Variants in PLCG2 observed in about 807,000 individuals in gnomAD.
The protein encoded by PLCG2 is phospholipase C gamma 2, also known as 1-phosphatidylinositol 4,5-bisphosphate phosphodiesterase gamma-2.
A neutral mutation model predicts 175.6 loss-of-function variants in PLCG2; 69 were observed. That is an observed-to-expected ratio of 0.39 (90% CI 0.32 to 0.48). PLCG2 has a LOEUF of 0.48. PLCG2 is among the 20% of genes least tolerant of loss of function. PLCG2 has a pLI of 0.91. For synonymous variants in PLCG2, 827 were observed against 624.0 expected (o/e 1.33, Z -4.85); for missense variants, 1,798 against 1,650.9 (o/e 1.09, Z -1.54).
chr16:81,842,118 C>G (rs575559338), intron 2 of PLCG2, among the ~76,000 whole-genome samples: 14 of 152,234 alleles, frequency 9.2e-5, no homozygotes, highest in Non-Finnish European at 1.6e-4. Flanking sequence ...TGCAACGTGC[C>G]TGGTTCCTGT....
chr16:81,946,995 C>T (rs1262919291), intron 31 of PLCG2, among the ~76,000 whole-genome samples: 2 of 152,168 alleles, frequency 1.3e-5, no homozygotes, highest in Non-Finnish European at 2.9e-5. Context: ...GGAACCAGTG[C>T]TGCTTCTCTC....
intron 2 of PLCG2, among the ~76,000 whole-genome samples, chr16:81,793,613 G>A (rs532304578): frequency 6.6e-6 from 1 of 152,308 alleles, no homozygotes; most frequent in South Asian, 2.1e-4. Context: ...ATGAGTGACG[G>A]ATTCTCAAAC....
At chr16:81,764,984 G>A (rs1437861890) in intron 2 of PLCG2, among the ~76,000 whole-genome samples, 1 of 116,660 alleles carries the variant, frequency 8.6e-6, no homozygotes, top group Non-Finnish European at 1.8e-5. Context: ...AGCTACTCGG[G>A]AGGCTGAGGT....
intron 2 of PLCG2, among the ~76,000 whole-genome samples, chr16:81,805,767 G>GTTTTTTTGT (rs1911983342): frequency 5.1e-5 from 2 of 39,518 alleles, no homozygotes; most frequent in African/African-American, 2.5e-4. Flanking sequence ...GTTTTGTTTT[G>GTTTTTTTGT]TTTTTTTTTT....
chr16:81,924,394 T>C (rs185950474), intron 22 of PLCG2, among the ~76,000 whole-genome samples: 1 of 152,270 alleles, frequency 6.6e-6, no homozygotes, highest in African/African-American at 2.4e-5. Flanking sequence ...AAGCACTGTT[T>C]TAAGCACGTT....
chr16:81,815,719 G>C (rs572654121), intron 2 of PLCG2, among the ~76,000 whole-genome samples: 93 of 152,170 alleles, frequency 6.1e-4, no homozygotes, highest in African/African-American at 2.1e-3. Context: ...CGATTCTCGC[G>C]GTCTTCTTGG....
chr16:81,910,876 A>C (rs1909593287), intron 18 of PLCG2, among the ~76,000 whole-genome samples, 156 bp downstream of exon 18: 1 of 152,154 alleles, frequency 6.6e-6, no homozygotes, highest in Non-Finnish European at 1.5e-5. Context: ...CAGTTTCCAA[A>C]TTCCTGGCAC....
At chr16:81,888,572 T>C (rs181500486) in intron 9 of PLCG2, among the ~76,000 whole-genome samples, 2 of 152,334 alleles carry the variant, frequency 1.3e-5, no homozygotes, top group African/African-American at 4.8e-5. Context: ...TCATACAGTG[T>C]ACATTTCATA....
intron 2 of PLCG2, among the ~76,000 whole-genome samples, chr16:81,845,219 G>T (rs1457692908): frequency 6.6e-6 from 1 of 152,116 alleles, no homozygotes; most frequent in Non-Finnish European, 1.5e-5. Context: ...GGAATTATAG[G>T]CATGAGCCAT....
At chr16:81,938,696 G>T in intron 28 of PLCG2, 105 bp from the exon 29 acceptor site, 1 of 648,198 alleles carries the variant, frequency 1.5e-6, no homozygotes. Flanking sequence ...AATTAGGGCT[G>T]GCATTGAACT....
At chr16:81,942,931 T>TTA (rs1555523195) in intron 30 of PLCG2, among the ~76,000 whole-genome samples, 10 of 151,988 alleles carry the variant, frequency 6.6e-5, no homozygotes, top group African/African-American at 2.4e-4. Flanking sequence ...TTTTTTTTTT[T>TTA]TATACAAGGA....
intron 24 of PLCG2, among the ~76,000 whole-genome samples, chr16:81,930,309 A>C (rs1401157015): frequency 6.6e-6 from 1 of 152,168 alleles, no homozygotes; most frequent in East Asian, 1.9e-4. Flanking sequence ...CTTCTCTGTA[A>C]GATCCTTTCT....
At chr16:81,824,610 G>A (rs766803104) in intron 2 of PLCG2, among the ~76,000 whole-genome samples, 6 of 152,176 alleles carry the variant, frequency 3.9e-5, no homozygotes, top group Admixed American at 2.6e-4. Context: ...GTGAGATAAC[G>A]GGGTGTGGGA....
At position 81,893,735 on chromosome 16, in the gene PLCG2, G is replaced by C; in HGVS notation, c.1013G>C (p.Ser338Thr). The C allele has an allele frequency of 6.2e-7, 1 of 1,612,452 alleles. No homozygotes were observed. The highest frequency in any genetic ancestry group is 8.5e-7 in the Non-Finnish European group (1 of 1,179,384). Residue 338 changes from serine to threonine, a missense_variant, in exon 12 of 33, where the codon AGC (serine) becomes ACC (threonine). Physicochemically the swap from Ser to Thr is moderately conservative, Grantham distance 58. Coordinates refer to ENST00000564138, the MANE Select transcript of PLCG2 (RefSeq NM_002661.5). ...TACCTTACAGGTGACCAGCTGCGGA[G>C]CGAGTCGTCCCCAGAAGCTTACATC... ...NTYLTGDQLR[S>T]ESSPEAYIRC...
At chr16:81,940,793 G>T (rs1273401418) in intron 30 of PLCG2, among the ~76,000 whole-genome samples, 1 of 152,118 alleles carries the variant, frequency 6.6e-6, no homozygotes, top group Non-Finnish European at 1.5e-5. Flanking sequence ...AAAAAAAACT[G>T]GCTCTCCTTA....
upstream of PLCG2, among the ~76,000 whole-genome samples, chr16:81,776,991 A>T (rs1226518689): frequency 6.6e-6 from 1 of 152,264 alleles, no homozygotes; most frequent in Non-Finnish European, 1.5e-5. Context: ...TTAGCAAAAA[A>T]TGAGCCAAAG....
intron 13 of PLCG2, chr16:81,897,733 T>G (rs1908960576): frequency 7.4e-6 from 3 of 404,740 alleles, no homozygotes; most frequent in Admixed American, 5.4e-5. Flanking sequence ...TTGGTAGAGA[T>G]AGGGTTTCAC....
chr16:81,833,001 G>T (rs1247423145), intron 2 of PLCG2, among the ~76,000 whole-genome samples: 1 of 152,204 alleles, frequency 6.6e-6, no homozygotes, highest in East Asian at 1.9e-4. Context: ...AGTCACGCTT[G>T]TGAGATGTGA....
intron 2 of PLCG2, among the ~76,000 whole-genome samples, chr16:81,758,319 G>A (rs1278956666): frequency 1.3e-5 from 2 of 152,108 alleles, no homozygotes; most frequent in East Asian, 1.9e-4. Context: ...ATTTTGTAGC[G>A]TGGATCAGCA....
Sources: allele counts gnomAD v4.1 joint callset (sites outside exome capture counted in the v4.1 genomes callset), GRCh38; gene constraint gnomAD v4.1.1; transcripts MANE v1.5; gene names NCBI Gene and HGNC (gene_info 2026-07-23, HGNC 2026-07-21).